TAFA2: variants seen among roughly 807,000 people sequenced by gnomAD.
TAFA2 encodes the protein TAFA chemokine like family member 2.
A neutral mutation model predicts 18.8 loss-of-function variants in TAFA2; 7 were observed. The ratio of observed to expected loss-of-function variants is 0.37; its 90% CI spans 0.21 to 0.70. The LOEUF is 0.70. TAFA2 is among the 30% of genes least tolerant of loss of function. The pLI, the probability that TAFA2 is intolerant of heterozygous loss-of-function variation, is 0.53. For synonymous variants in TAFA2, 60 were observed against 54.2 expected, an observed-to-expected ratio of 1.11 and a Z score of -0.47; for missense variants, 122 against 158.1, an observed-to-expected ratio of 0.77 and a Z score of 1.23.
chr12:61,770,474 G>A (rs1869979463), intron 2 of TAFA2, among the ~76,000 whole-genome samples: 1 of 152,048 alleles, frequency 6.6e-6, no homozygotes. Context: ...AGAATCATAA[G>A]AGCTGTGAGG....
intron 4 of TAFA2, among the ~76,000 whole-genome samples, chr12:61,744,243 C>G (rs1471123693): frequency 6.6e-6 from 1 of 152,076 alleles, no homozygotes; most frequent in Admixed American, 6.6e-5. Context: ...GGTCCTATTA[C>G]AATATGTGAA....
chr12:61,830,525 A>G (rs975348661), intron 2 of TAFA2, among the ~76,000 whole-genome samples: 3 of 151,894 alleles, frequency 2.0e-5, no homozygotes, highest in African/African-American at 7.2e-5. Context: ...GTTCTGACTT[A>G]TAAGTGGAAG....
chr12:61,816,545 G>A (rs1186141931), intron 2 of TAFA2, among the ~76,000 whole-genome samples: 1 of 151,210 alleles, frequency 6.6e-6, no homozygotes, highest in Non-Finnish European at 1.5e-5. Flanking sequence ...CCCAGTAATG[G>A]AATTGCTGGG....
chr12:61,870,241 C>T (rs1031579), intron 1 of TAFA2, among the ~76,000 whole-genome samples: 124,685 of 152,204 alleles, frequency 0.82, 51,314 homozygotes, highest in African/African-American at 0.91. Context: ...GAATATCTCT[C>T]AAATGTATAT....
At chr12:61,813,315 A>G (rs1198794432) in intron 2 of TAFA2, among the ~76,000 whole-genome samples, 3 of 151,406 alleles carry the variant, frequency 2.0e-5, no homozygotes, top group Non-Finnish European at 2.9e-5. Flanking sequence ...CTACTCATGT[A>G]TCTGCTGCTT....
At chr12:62,183,098 TG>T (rs1255040839) in intron 1 of TAFA2, among the ~76,000 whole-genome samples, 4 of 152,206 alleles carry the variant, frequency 2.6e-5, no homozygotes, top group Admixed American at 6.5e-5. Flanking sequence ...TCCAATGTGA[TG>T]GTATTTGTAG....
chr12:61,960,455 G>C (rs1878844274), intron 1 of TAFA2, among the ~76,000 whole-genome samples: 1 of 151,998 alleles, frequency 6.6e-6, no homozygotes, highest in South Asian at 2.1e-4. Flanking sequence ...GCCACACAGA[G>C]TTTAACTATT....
chr12:61,772,418 A>G (rs1565628796), intron 2 of TAFA2, among the ~76,000 whole-genome samples: 1 of 151,032 alleles, frequency 6.6e-6, no homozygotes, highest in Admixed American at 6.6e-5. Flanking sequence ...AGGAAAGGAC[A>G]TAACTAAAAA....
intron 2 of TAFA2, among the ~76,000 whole-genome samples, chr12:61,824,763 T>C (rs1208111748): frequency 6.6e-6 from 1 of 152,200 alleles, no homozygotes; most frequent in Non-Finnish European, 1.5e-5. Context: ...TTATAAAAAC[T>C]GCAGAAAGTG....
chr12:62,152,704 G>A (rs1206292213), intron 1 of TAFA2, among the ~76,000 whole-genome samples: 3 of 152,200 alleles, frequency 2.0e-5, no homozygotes, highest in Admixed American at 2.0e-4. Flanking sequence ...GCAGCTACTT[G>A]CATGGGTAAT....
chr12:62,210,079 G>T (rs1387334354), intron 1 of TAFA2, among the ~76,000 whole-genome samples: 1 of 151,910 alleles, frequency 6.6e-6, no homozygotes, highest in South Asian at 2.1e-4. Context: ...GGGCGCCTGT[G>T]GGAGGCTAAG....
intron 1 of TAFA2, among the ~76,000 whole-genome samples, chr12:62,220,182 C>T (rs976079704): frequency 1.3e-5 from 2 of 151,670 alleles, no homozygotes; most frequent in Non-Finnish European, 2.9e-5. Flanking sequence ...GAAATGGAAA[C>T]AATAAACTCA....
intron 1 of TAFA2, among the ~76,000 whole-genome samples, chr12:61,884,557 A>G (rs1402852825): frequency 6.6e-6 from 1 of 152,156 alleles, no homozygotes; most frequent in East Asian, 1.9e-4. Context: ...CTCAGAATTT[A>G]TCGTTAATCC....
intron 1 of TAFA2, among the ~76,000 whole-genome samples, chr12:62,106,173 A>G (rs1188248308): frequency 2.0e-5 from 3 of 148,022 alleles, no homozygotes; most frequent in Non-Finnish European, 4.6e-5. Flanking sequence ...TCTCTGCTAA[A>G]AATAAAAAAA....
rs540670901 is a variant in TAFA2, at chr12:62,015,355, T to G, written c.-1-147929A>C. ...GATGAATAAATTAAAGAATAAATGA[T>G]TTAGGTGCATATGCTTATAATCTTT... On this transcript the variant is annotated intron_variant, in intron 1 of 4. Transcript: ENST00000416284. Among the ~76,000 whole-genome samples, 3 of 152,248 alleles carry G rather than the reference T, an allele frequency of 2.0e-5. No homozygotes were observed. In the South Asian group the frequency reaches 6.2e-4, roughly 32 times the overall value.
At chr12:61,726,966 T>C (rs1870197861) in intron 4 of TAFA2, among the ~76,000 whole-genome samples, 1 of 152,106 alleles carries the variant, frequency 6.6e-6, no homozygotes, top group Admixed American at 6.6e-5. Flanking sequence ...AAATGCTTTT[T>C]CTGAGACTAT....
At chr12:61,740,020 A>G (rs1171299287) in intron 4 of TAFA2, among the ~76,000 whole-genome samples, 1 of 152,120 alleles carries the variant, frequency 6.6e-6, no homozygotes. Context: ...TTAAAGTTGC[A>G]AAGCAAAGAT....
rs1187101790 is a variant in TAFA2, at chr12:62,227,171, T to A, written c.-130+31592A>T. Among the ~76,000 whole-genome samples, 5 of 152,198 alleles carry A rather than the reference T, an allele frequency of 3.3e-5. No individual in the cohort carries two copies. In the East Asian group the frequency reaches 5.8e-4, roughly 18 times the overall value. Reference sequence around the variant, plus strand: ...TTGTGTTCTGGTGGTGTAGAATTTCTGGTAGTTTCTTCCTCAGATCACATT... The same window carrying A: ...TTGTGTTCTGGTGGTGTAGAATTTCAGGTAGTTTCTTCCTCAGATCACATT... On this transcript the variant is annotated intron_variant, in intron 1 of 5. Coordinates refer to the TAFA2 transcript ENST00000551619.
At chr12:61,807,107 G>A (rs978796196) in intron 2 of TAFA2, among the ~76,000 whole-genome samples, 4 of 148,304 alleles carry the variant, frequency 2.7e-5, no homozygotes, top group Non-Finnish European at 4.4e-5. Flanking sequence ...CATGTCAGAC[G>A]TCTTCATAGC....
Sources: gnomAD v4.1 joint callset for allele counts (sites outside exome capture counted in the v4.1 genomes callset) on GRCh38, gnomAD v4.1.1 for gene constraint, MANE v1.5 for transcripts, NCBI Gene and HGNC (gene_info 2026-07-23, HGNC 2026-07-21) for gene names.